The following WDR86 variants were observed in gnomAD, a reference collection of about 807,000 sequenced individuals.
WDR86 encodes the protein WD repeat-containing protein 86.
In WDR86, 30 loss-of-function variants were observed where a neutral mutation model predicts 36.5. The observed-to-expected ratio is 0.82, with a 90% confidence interval of 0.61 to 1.11. The LOEUF (loss-of-function observed/expected upper bound fraction) is 1.11, where lower values mean the gene tolerates loss of function less well. Among genes scored for constraint, WDR86 ranks in the 50% most tolerant of loss-of-function variants. The pLI is 0.00. For synonymous variants in WDR86, 255 were observed against 252.9 expected (o/e 1.01, Z -0.08); for missense variants, 545 against 561.2 (o/e 0.97, Z 0.29).
chr7:151,376,338 T>C (rs1367978832), downstream of WDR86: 1 of 489,224 alleles, frequency 2.0e-6, no homozygotes, highest in African/African-American at 1.9e-5. Context: ...CTGTATGCTG[T>C]GGCCACTGAC....
At chr7:151,375,989 G>A (rs1464369757) in exon 2 of WDR86, 3 of 1,199,796 alleles carry the variant, frequency 2.5e-6, no homozygotes, top group East Asian at 2.3e-5. Flanking sequence ...GCCTCGGGTG[G>A]GGTTGCTTGG....
At chr7:151,394,869 C>T (rs536329365) in intron 3 of WDR86, among the ~76,000 whole-genome samples, 183 of 152,356 alleles carry the variant, frequency 1.2e-3, no homozygotes, top group Non-Finnish European at 2.1e-3. Context: ...CCGGGATGTT[C>T]GAAGCACACA....
chr7:151,370,490 A>G, the WDR86 span, among the ~76,000 whole-genome samples: 1 of 151,918 alleles, frequency 6.6e-6, no homozygotes, highest in African/African-American at 2.4e-5. Flanking sequence ...CTATTACTCC[A>G]CTACCAGTAA....
At chr7:151,397,477 G>A (rs570532787) in intron 2 of WDR86, among the ~76,000 whole-genome samples, 16 of 152,340 alleles carry the variant, frequency 1.1e-4, no homozygotes, top group African/African-American at 2.9e-4. Context: ...AGGCTGGAGC[G>A]CAGTGGCACG....
In WDR86 at chr7:151,400,134, G is replaced by A; in HGVS notation, c.271C>T (p.Gln91Ter). The change falls in exon 2 of 6, where the codon CAG becomes TAG. Residue 91 changes from glutamine (Q) to a stop codon, truncating the protein, a stop_gained. Coordinates refer to ENST00000334493, the MANE Select transcript of WDR86 (RefSeq NM_198285.3). LOFTEE classifies it high-confidence loss of function. ...ATGGACGTGTGTCCTCGGTACACCT[G>A]CAGACACTGCCCGGTCAGCACGTCC... ...RWDVLTGQCL[Q>*]VYRGHTSIVN... 6.2e-7 allele frequency: 1 copy of A among 1,611,508 alleles called. No individual in the cohort carries two copies. Among genetic ancestry groups the A allele is most frequent in the Admixed American group, 1.7e-5 (1 of 59,830 alleles).
chr7:151,370,029 G>A, the WDR86 span, among the ~76,000 whole-genome samples: 7 of 151,968 alleles, frequency 4.6e-5, no homozygotes, highest in Non-Finnish European at 7.4e-5. Context: ...TAGTCCAATC[G>A]TGGTCCTTTG....
In WDR86 at chr7:151,388,428, A is replaced by C. The variant is rs977321575; in HGVS notation, c.727-3205T>G. 3.5e-4 allele frequency among the ~76,000 whole-genome samples: 53 copies of C among 151,250 alleles called. No individual in the cohort carries two copies. The highest frequency in any genetic ancestry group is 1.3e-3 in the African/African-American group (52 of 41,120). On this transcript the variant is annotated intron_variant, in intron 3 of 5. Coordinates refer to ENST00000334493, the MANE Select transcript of WDR86 (RefSeq NM_198285.3). This position sits in a 1 kb window ranked among gnomAD's most constrained non-coding sequence, Gnocchi z 4.2. ...AAGCCCAGAACCTGGGCGACCCCTC[A>C]AAGAGCAGGGGAGAGGGCTGCCCTG...
chr7:151,377,432 C>A (rs570258597), downstream of WDR86: 17 of 424,806 alleles, frequency 4.0e-5, no homozygotes, highest in African/African-American at 2.9e-4. Flanking sequence ...CTGGCGCAGG[C>A]CGTTCCATCT....
In WDR86 at chr7:151,399,956, A is replaced by G. The variant is rs1800159814; in HGVS notation, c.305+144T>C. ...TCCTGGGTCCACGTCGCTGGGTGCT[A>G]CTGACCACCTCCCAGCTGTCCACGT... is the stretch of plus-strand genomic sequence containing the variant. On this transcript the variant is annotated intron_variant, in intron 2 of 5. Coordinates refer to ENST00000334493, the MANE Select transcript of WDR86 (RefSeq NM_198285.3). 10 of 687,890 alleles carry G rather than the reference A, an allele frequency of 1.5e-5. No individual in the cohort carries two copies. The African/African-American group carries it at 1.7e-4, about 12-fold the overall frequency. The allele number at this position is 687,890 out of a possible 1,614,324, so 42.6% of individuals were successfully genotyped here. A position where few individuals can be genotyped will look rare whatever the true frequency, so the allele number is the denominator to read the frequency against.
intron 3 of WDR86, among the ~76,000 whole-genome samples, chr7:151,389,109 TTTTC>T (rs965014465): frequency 6.7e-5 from 9 of 134,462 alleles, no homozygotes; most frequent in African/African-American, 2.6e-4. Context: ...CCTTTTTTTC[TTTTC>T]TTTCCTTTTT....
In WDR86 at chr7:151,406,545, T is replaced by C. The variant is rs1480714873; in HGVS notation, c.163+2882A>G. Among the ~76,000 whole-genome samples the C allele has an allele frequency of 6.6e-6, 1 of 152,170 alleles. No individual in the cohort carries two copies. Among genetic ancestry groups the C allele is most frequent in the Non-Finnish European group, 1.5e-5 (1 of 68,030 alleles). On this transcript the variant is annotated intron_variant, in intron 1 of 5. Transcript: ENST00000334493. The surrounding 1 kb of genome is among the most constrained non-coding windows in gnomAD (Gnocchi z 4.4). ...TCTAGATTTAGAGTTAGGATGCTTC[T>C]AGGGATGGGGCCACCACAGACCAGC...
chr7:151,381,923 C>T lies in WDR86; in HGVS notation c.921G>A (p.Leu307=), dbSNP rs1038122299. The change falls in exon 5 of 6, where the codon CTG becomes CTA. Residue 307 remains leucine (L), a synonymous_variant. Coordinates refer to ENST00000334493, the MANE Select transcript of WDR86 (RefSeq NM_198285.3). The surrounding 1 kb of genome is among the most constrained non-coding windows in gnomAD (Gnocchi z 4.8). The stretch of plus-strand genomic sequence containing the variant: ...ATGTGTGGCCCCGGAACACCCTCCG[C>T]AGCTCTCCAGACTGCGCGTCGAAGG... ...ARAFDAQSGE[L]RRVFRGHTFI... 6.2e-7 allele frequency: 1 copy of T among 1,610,514 alleles called. No homozygotes were observed. The highest frequency in any genetic ancestry group is 1.7e-5 in the Admixed American group (1 of 59,758).
rs553566745 is a variant in WDR86 at position 151,401,775 on chromosome 7, C to A, written c.164-1534G>T. ...CTAAATACAACCGCAAGTGGCCAGG[C>A]GCGGTGGCTCACGCCTGTAATTCCA... On this transcript the variant is annotated intron_variant, in intron 1 of 5. Transcript: ENST00000334493. The surrounding 1 kb of genome is among the most constrained non-coding windows in gnomAD (Gnocchi z 4.3). Among the ~76,000 whole-genome samples the A allele has an allele frequency of 4.0e-5, 6 of 151,890 alleles. 1 individual carries two copies. The highest frequency in any genetic ancestry group is 3.9e-4 in the Admixed American group (6 of 15,240).
rs748355919 is a variant in WDR86 at position 151,388,104 on chromosome 7, G to A, written c.727-2881C>T. 2.6e-5 allele frequency among the ~76,000 whole-genome samples: 4 copies of A among 152,206 alleles called. No homozygotes were observed. The highest frequency in any genetic ancestry group is 6.5e-5 in the Admixed American group (1 of 15,282). On this transcript the variant is annotated intron_variant, in intron 3 of 5. Transcript: ENST00000334493. The surrounding 1 kb of genome is among the most constrained non-coding windows in gnomAD (Gnocchi z 4.2). ...TTGGGTGAGACTCATGAACTGGTACGACAGGGCTTTTGCAGCCAGAGACTG... is the reference window on the plus strand; with the variant it reads ...TTGGGTGAGACTCATGAACTGGTACAACAGGGCTTTTGCAGCCAGAGACTG...
chr7:151,370,855 A>G, the WDR86 span, among the ~76,000 whole-genome samples: 1 of 152,120 alleles, frequency 6.6e-6, no homozygotes, highest in Non-Finnish European at 1.5e-5. Flanking sequence ...TAGCATCTGG[A>G]AAGCTAGTGT....
downstream of WDR86, chr7:151,377,031 C>T (rs200906280): frequency 2.7e-5 from 41 of 1,526,054 alleles, no homozygotes; most frequent in Admixed American, 2.4e-4. Flanking sequence ...CTTACTCCTG[C>T]GGTATTTTAT....
At chr7:151,379,903 GGCCGGCAGCACTGCCC>G (rs542968908), downstream of WDR86, among the ~76,000 whole-genome samples, 1 of 152,210 alleles carries the variant, frequency 6.6e-6, no homozygotes, top group Admixed American at 6.5e-5. Context: ...GCTCAGGGCC[GGCCGGCAGCACTGCCC>G]GCAGGCAGCA....
Position 151,395,878 on chromosome 7 carries a change from G to A in WDR86, c.624C>T (p.Ala208=), listed in dbSNP as rs765341893. ...TGGTGGCGTCGGTGCTGCCTGTGAA[G>A]GCCGTGTGGCCGGGCGTGTCTAGCA... The part of the protein sequence containing the change: ...CLVLDTPGHT[A]FTGSTDATIR... Residue 208 remains alanine (A), a synonymous_variant, in exon 3 of 6, where the codon GCC becomes GCT. Transcript: ENST00000334493. The A allele has an allele frequency of 3.9e-5, 62 of 1,600,582 alleles. No homozygotes were observed. The Admixed American group carries it at 8.5e-4, about 22-fold the overall frequency.
chr7:151,390,571 G>T lies in WDR86; in HGVS notation c.726+5205C>A, dbSNP rs1052288635. On this transcript the variant is annotated intron_variant, in intron 3 of 5. Coordinates refer to ENST00000334493, the MANE Select transcript of WDR86 (RefSeq NM_198285.3). This position sits in a 1 kb window ranked among gnomAD's most constrained non-coding sequence, Gnocchi z 4.5. ...CAGTCCCACTGGCAGGCATATACCC[G>T]AGAACTGAAGGCAGGATGCACCCAG... Among the ~76,000 whole-genome samples the T allele has an allele frequency of 6.6e-6, 1 of 152,214 alleles. No homozygotes were observed. Among genetic ancestry groups the T allele is most frequent in the Non-Finnish European group, 1.5e-5 (1 of 68,036 alleles).
Sources: gnomAD v4.1 joint callset for allele counts (sites outside exome capture counted in the v4.1 genomes callset) on GRCh38, gnomAD v4.1.1 for gene constraint, Gnocchi (gnomAD v3.1) non-coding constraint, MANE v1.5 for transcripts, NCBI Gene and HGNC (gene_info 2026-07-23, HGNC 2026-07-21) for gene names.